SMURF2: variants seen among roughly 807,000 people sequenced by gnomAD.
SMURF2 encodes the protein SMAD specific E3 ubiquitin protein ligase 2.
SMURF2 carries 48 observed loss-of-function variants against 109.6 expected under a neutral mutation model. The observed-to-expected ratio is 0.44, with a 90% CI of 0.35 to 0.56. SMURF2 has a LOEUF of 0.56. Among genes scored for constraint, SMURF2 ranks in the 20% least tolerant of loss-of-function variants. The pLI is 0.01. For synonymous variants in SMURF2, 288 were observed against 317.1 expected, an observed-to-expected ratio of 0.91 and a Z score of 0.97; for missense variants, 575 against 909.0, an observed-to-expected ratio of 0.63 and a Z score of 4.72.
In SMURF2 at chr17:64,637,923, C is replaced by CAAAAAAAA. The variant is rs59701513; in HGVS notation, c.52+23898_52+23905dup. Among the ~76,000 whole-genome samples, 35 of 72,554 alleles carry CAAAAAAAA rather than the reference C, an allele frequency of 4.8e-4. 2 individuals are homozygous for CAAAAAAAA. The highest frequency in any genetic ancestry group is 9.1e-4 in the African/African-American group (22 of 24,308). The allele number at this position is 72,554 out of a possible 152,430, so 47.6% of individuals were successfully genotyped here. On this transcript the variant is annotated intron_variant, in intron 1 of 18. Coordinates refer to ENST00000262435, the MANE Select transcript of SMURF2 (RefSeq NM_022739.4). ...CATTGAATGGTTTTGGCGCCCTAGTCAAAAAAAAAAAAAAAAAAAATCAAC... is the reference window on the plus strand; with the variant it reads ...CATTGAATGGTTTTGGCGCCCTAGTCAAAAAAAAAAAAAAAAAAAAAAAAAAAATCAAC...
At chr17:64,578,826 T>C (rs1969536326) in intron 8 of SMURF2, among the ~76,000 whole-genome samples, 1 of 152,210 alleles carries the variant, frequency 6.6e-6, no homozygotes, top group Admixed American at 6.5e-5. Flanking sequence ...ACTAAATATG[T>C]TGCAATGGAA....
intron 5 of SMURF2, among the ~76,000 whole-genome samples, chr17:64,588,778 C>T (rs1224721063): frequency 6.6e-6 from 1 of 151,924 alleles, no homozygotes; most frequent in African/African-American, 2.4e-5. Context: ...CACCACCATG[C>T]CACACCAGCT....
chr17:64,588,602 G>GT (rs1243399254), intron 5 of SMURF2, among the ~76,000 whole-genome samples: 2 of 151,416 alleles, frequency 1.3e-5, no homozygotes, highest in Non-Finnish European at 2.9e-5. Flanking sequence ...GGGGAATACA[G>GT]TTTTTTTTGT....
intron 10 of SMURF2, among the ~76,000 whole-genome samples, chr17:64,567,110 G>A (rs781991302): frequency 1.3e-5 from 2 of 151,622 alleles, no homozygotes; most frequent in Admixed American, 1.3e-4. Context: ...TACCCGCCTC[G>A]GCCTCCCAAA....
At chr17:64,634,561 T>G (rs1970390259) in intron 1 of SMURF2, among the ~76,000 whole-genome samples, 1 of 152,210 alleles carries the variant, frequency 6.6e-6, no homozygotes, top group African/African-American at 2.4e-5. Flanking sequence ...GGTATCCGCC[T>G]CTGTAGATAT....
intron 1 of SMURF2, among the ~76,000 whole-genome samples, chr17:64,618,298 A>G (rs1312772155): frequency 6.6e-6 from 1 of 152,224 alleles, no homozygotes; most frequent in Non-Finnish European, 1.5e-5. Flanking sequence ...GTAAAAGCTC[A>G]GCTAAAGCCA....
In SMURF2 at chr17:64,542,326, T is replaced by C. The variant is rs1473580812; in HGVS notation, c.*3522A>G. On this transcript the variant is annotated 3_prime_UTR_variant, in exon 19 of 19. Coordinates refer to ENST00000262435, the MANE Select transcript of SMURF2 (RefSeq NM_022739.4). ...CTGTGACAGTGCAAACAGCATTGAT[T>C]TTATTGCTCGACTTCGGCATGGGCA... The C allele has an allele frequency of 6.6e-6, 1 of 152,212 alleles. No homozygotes were observed. Among genetic ancestry groups the C allele is most frequent in the African/African-American group, 2.4e-5 (1 of 41,450 alleles). The allele number at this position is 152,212 out of a possible 1,614,324, so 9.4% of individuals were successfully genotyped here.
intron 12 of SMURF2, among the ~76,000 whole-genome samples, chr17:64,558,767 A>G (rs1442936575): frequency 1.3e-5 from 2 of 152,222 alleles, no homozygotes; most frequent in African/African-American, 4.8e-5. Flanking sequence ...CAAATTTTTC[A>G]AAGTATAAAA....
chr17:64,659,516 CTTTTTT>C (rs60004963), intron 1 of SMURF2, among the ~76,000 whole-genome samples: 4 of 135,612 alleles, frequency 2.9e-5, no homozygotes, highest in Admixed American at 2.2e-4. Flanking sequence ...AAAGAATCAA[CTTTTTT>C]TTTTTTTTTT....
chr17:64,554,429 G>C (rs1969090296), intron 15 of SMURF2, among the ~76,000 whole-genome samples: 1 of 152,122 alleles, frequency 6.6e-6, no homozygotes, highest in Admixed American at 6.5e-5. Context: ...GGGGGAGGGA[G>C]TGGCTATGGG....
At chr17:64,616,676 A>G (rs1970126163) in intron 1 of SMURF2, among the ~76,000 whole-genome samples, 1 of 151,574 alleles carries the variant, frequency 6.6e-6, no homozygotes, top group East Asian at 1.9e-4. Context: ...AAAAAGAACT[A>G]GAGCTGAGAT....
At chr17:64,607,059 TGA>T (rs1375945945) in intron 1 of SMURF2, among the ~76,000 whole-genome samples, 2 of 150,232 alleles carry the variant, frequency 1.3e-5, no homozygotes, top group African/African-American at 4.9e-5. Flanking sequence ...CTGATATAGA[TGA>T]GTTTTTTTTC....
intron 1 of SMURF2, among the ~76,000 whole-genome samples, chr17:64,617,727 C>G (rs577041969): frequency 1.1e-4 from 17 of 152,168 alleles, no homozygotes; most frequent in African/African-American, 4.1e-4. Flanking sequence ...CCTCAGTCTC[C>G]CAGACTGTTA....
chr17:64,661,318 G>C (rs1370791187), intron 1 of SMURF2, among the ~76,000 whole-genome samples: 1 of 152,046 alleles, frequency 6.6e-6, no homozygotes, highest in Non-Finnish European at 1.5e-5. Flanking sequence ...GCGGCGGGGA[G>C]TAAAGGTTTT....
intron 10 of SMURF2, among the ~76,000 whole-genome samples, chr17:64,563,533 A>G (rs1231217655): frequency 1.3e-5 from 2 of 152,280 alleles, no homozygotes; most frequent in African/African-American, 2.4e-5. Flanking sequence ...TACCGTGTAC[A>G]TAAATGCATT....
chr17:64,587,207 T>C lies in SMURF2; in HGVS notation c.401-1037A>G, dbSNP rs576400860. ...TAAATAAATAATAAATAAATAAAAA[T>C]ACACTGTATTCTAGCAAGAGGGCCA... On this transcript the variant is annotated intron_variant, in intron 5 of 18. Transcript: ENST00000262435. 5.3e-5 allele frequency among the ~76,000 whole-genome samples: 8 copies of C among 152,072 alleles called. No homozygotes were observed. In the South Asian group the frequency reaches 1.7e-3, roughly 32 times the overall value.
At chr17:64,582,602 A>AT in intron 7 of SMURF2, among the ~76,000 whole-genome samples, 1 of 150,714 alleles carries the variant, frequency 6.6e-6, no homozygotes, top group African/African-American at 2.5e-5. Context: ...ATTTTATTTT[A>AT]TTTGTTTTAT....
intron 1 of SMURF2, among the ~76,000 whole-genome samples, chr17:64,636,884 C>T (rs190741150): frequency 1.3e-5 from 2 of 151,588 alleles, no homozygotes; most frequent in African/African-American, 2.4e-5. Context: ...TATCTTTTAG[C>T]TTTCTTATTA....
At chr17:64,578,817 C>T (rs181302238) in intron 8 of SMURF2, among the ~76,000 whole-genome samples, 1 of 152,270 alleles carries the variant, frequency 6.6e-6, no homozygotes, top group East Asian at 1.9e-4. Context: ...GGCTTAAATA[C>T]TAAATATGTT....
Sources: allele counts gnomAD v4.1 joint callset (sites outside exome capture counted in the v4.1 genomes callset), GRCh38; gene constraint gnomAD v4.1.1; transcripts MANE v1.5; gene names NCBI Gene and HGNC (gene_info 2026-07-23, HGNC 2026-07-21).